Variants in DDR1 observed in about 807,000 individuals in gnomAD.
DDR1 encodes the protein discoidin domain receptor tyrosine kinase 1.
A neutral mutation model predicts 97.4 loss-of-function variants in DDR1; 64 were observed. The ratio of observed to expected loss-of-function variants is 0.66; its 90% CI spans 0.54 to 0.81. The LOEUF (loss-of-function observed/expected upper bound fraction) is 0.81, where lower values mean the gene tolerates loss of function less well. Among genes scored for constraint, DDR1 ranks in the 30% least tolerant of loss-of-function variants. The pLI is 0.00. For missense variants in DDR1, 990 were observed against 1,259.6 expected, an observed-to-expected ratio of 0.79 and a Z score of 3.24; for synonymous variants, 458 against 503.7, an observed-to-expected ratio of 0.91 and a Z score of 1.21.
In DDR1 at chr6:30,889,735, C is replaced by T. The variant is rs563362086; in HGVS notation, c.417+305C>T. On this transcript the variant is annotated intron_variant, in intron 4 of 17. Coordinates refer to ENST00000376568, the MANE Select transcript of DDR1 (RefSeq NM_001297654.2). This position sits in a 1 kb window ranked among gnomAD's most constrained non-coding sequence, Gnocchi z 4.9. ...CTGGGATTACAAGCACTGTAGCCAG[C>T]CACCTAGATGTCTAATAGGCATCTC... Among the ~76,000 whole-genome samples, 4 of 152,176 alleles carry T rather than the reference C, an allele frequency of 2.6e-5. No individual in the cohort carries two copies. The highest frequency in any genetic ancestry group is 9.6e-5 in the African/African-American group (4 of 41,510).
rs1000742491 is a variant in DDR1, at chr6:30,896,653, C to T, written c.1657C>T (p.Pro553Ser). ...TGGGGACTATATGGAGCCTGAGAAG[C>T]CAGGCGCCCCGCTTCTGCCCCCACC... ...YSGDYMEPEK[P>S]GAPLLPPPPQ... Residue 553 changes from proline (P) to serine (S), a missense_variant, in exon 13 of 18, where the codon CCA becomes TCA. Transcript: ENST00000376568. 3.1e-6 allele frequency: 5 copies of T among 1,613,352 alleles called. No homozygotes were observed. The African/African-American group carries it at 6.7e-5, about 22-fold the overall frequency.
chr6:30,885,869 G>A, intron 1 of DDR1: 1 of 1,271,716 alleles, frequency 7.9e-7, no homozygotes, highest in East Asian at 5.6e-5. Context: ...TGTTGTCTGA[G>A]TGGGACTTGG....
At position 30,893,090 on chromosome 6, in the gene DDR1, G is replaced by T. The variant is rs145370628; in HGVS notation, c.1122G>T (p.Pro374=). Residue 374 remains proline (P), a synonymous_variant, in exon 9 of 18, where the codon CCG becomes CCT. Transcript: ENST00000376568. The part of the protein sequence containing the change: ...FISDVVNNSS[P]ALGGTFPPAP... ...CAGATGTGGTGAACAATTCCTCTCC[G>T]GCACTGGGAGGCACCTTCCCGCCAG... 2 of 1,612,236 alleles carry T rather than the reference G, an allele frequency of 1.2e-6. No homozygotes were observed. The highest frequency in any genetic ancestry group is 2.2e-5 in the South Asian group (2 of 90,986).
rs943211416 is a variant in DDR1 at position 30,889,904 on chromosome 6, C to CT, written c.417+481dup. 1.3e-5 allele frequency among the ~76,000 whole-genome samples: 2 copies of CT among 152,100 alleles called. No individual in the cohort carries two copies. Among genetic ancestry groups the CT allele is most frequent in the African/African-American group, 4.8e-5 (2 of 41,394 alleles). On this transcript the variant is annotated intron_variant, in intron 4 of 17. Coordinates refer to ENST00000376568, the MANE Select transcript of DDR1 (RefSeq NM_001297654.2). The surrounding 1 kb of genome is among the most constrained non-coding windows in gnomAD (Gnocchi z 4.9). ...TAAGTTAAGATGATATCCTTGATTC[C>CT]TTTTTTTCTCTCACCTCCTTCCAAA...
Position 30,885,250 on chromosome 6 carries a change from G to T in DDR1, c.-43+540G>T, listed in dbSNP as rs1431750817. On this transcript the variant is annotated intron_variant, in intron 1 of 17. Transcript: ENST00000376568. ...ACTGCCGGTGAGCGCCAGCTTCAGG[G>T]TCCCACCCCCCCATGCCTGGCTCTT... 2.6e-6 allele frequency: 4 copies of T among 1,532,522 alleles called. No individual in the cohort carries two copies. The East Asian group carries it at 9.8e-5, about 38-fold the overall frequency. The allele number at this position is 1,532,522 out of a possible 1,614,324, so 94.9% of individuals were successfully genotyped here. A position where few individuals can be genotyped will look rare whatever the true frequency, so the allele number is the denominator to read the frequency against.
At position 30,892,442 on chromosome 6, in the gene DDR1, T is replaced by C; in HGVS notation, c.999T>C (p.Ala333=). ...ACCTGGGGGACCCCAGAGCCCGGGC[T>C]GTCTCAGTGCCCCTTGGCGGCCGTG... ...GGNLGDPRAR[A]VSVPLGGRVA... The change falls in exon 8 of 18, where the codon GCT becomes GCC. Residue 333 remains alanine (A), a synonymous_variant. Transcript: ENST00000376568. 3 of 1,608,406 alleles carry C rather than the reference T, an allele frequency of 1.9e-6. No individual in the cohort carries two copies. Among genetic ancestry groups the C allele is most frequent in the Non-Finnish European group, 2.5e-6 (3 of 1,179,526 alleles).
rs1788269539 is a variant in DDR1, at chr6:30,891,547, G to GTGTTTGTGTGTGTT, written c.665+71_665+72insTTGTGTGTGTTTGT. On this transcript the variant is annotated intron_variant, in intron 6 of 17. Coordinates refer to ENST00000376568, the MANE Select transcript of DDR1 (RefSeq NM_001297654.2). This position sits in a 1 kb window ranked among gnomAD's most constrained non-coding sequence, Gnocchi z 5.3. ...GAGGACTGTGTGTGTGTGTGTGTGT[G>GTGTTTGTGTGTGTT]TGTGTGTGTGAGAGTGTGTGTGTGT... 10 of 960,968 alleles carry GTGTTTGTGTGTGTT rather than the reference G, an allele frequency of 1.0e-5. No individual in the cohort carries two copies. The highest frequency in any genetic ancestry group is 1.4e-5 in the Non-Finnish European group (9 of 625,930). 59.5% of individuals were successfully genotyped at this position (960,968 alleles called of 1,614,324 possible). A position where few individuals can be genotyped will look rare whatever the true frequency, so the allele number is the denominator to read the frequency against.
intron 1 of DDR1, chr6:30,885,869 G>C: frequency 7.9e-7 from 1 of 1,271,716 alleles, no homozygotes; most frequent in South Asian, 1.2e-5. Context: ...TGTTGTCTGA[G>C]TGGGACTTGG....
intron 1 of DDR1, chr6:30,885,953 T>G: frequency 1.8e-6 from 1 of 544,870 alleles, no homozygotes; most frequent in South Asian, 1.6e-5. Context: ...TGTAATGGAG[T>G]GGAAGGGGGT....
At position 30,888,376 on chromosome 6, in the gene DDR1, A is replaced by G; in HGVS notation, c.-42-312A>G. 1 of 336,970 alleles carries G rather than the reference A, an allele frequency of 3.0e-6. No homozygotes were observed. The highest frequency in any genetic ancestry group is 5.1e-5 in the East Asian group (1 of 19,576). The allele number at this position is 336,970 out of a possible 1,614,324, so 20.9% of individuals were successfully genotyped here. On this transcript the variant is annotated intron_variant, in intron 1 of 17. Coordinates refer to ENST00000376568, the MANE Select transcript of DDR1 (RefSeq NM_001297654.2). This position sits in a 1 kb window ranked among gnomAD's most constrained non-coding sequence, Gnocchi z 4.2. ...TATGGGGATATTTTGCCCATTCCTG[A>G]TTGGAGAAATGGGGCTTTAGGAAGT...
rs776276689 is a variant in DDR1 at position 30,897,032 on chromosome 6, G to T, written c.1888G>T (p.Asp630Tyr). The T allele has an allele frequency of 6.2e-7, 1 of 1,613,054 alleles. No individual in the cohort carries two copies. The highest frequency in any genetic ancestry group is 1.1e-5 in the South Asian group (1 of 91,006). Residue 630 changes from aspartate to tyrosine, a missense_variant, in exon 14 of 18, where the codon GAC (aspartate) becomes TAC (tyrosine). Coordinates refer to ENST00000376568, the MANE Select transcript of DDR1 (RefSeq NM_001297654.2). The surrounding 1 kb of genome is among the most constrained non-coding windows in gnomAD (Gnocchi z 5.2). ...QFGEVHLCEV[D>Y]SPQDLVSLDF... ...TCTCCAGGTGCACCTGTGTGAGGTC[G>T]ACAGCCCTCAAGATCTGGTTAGTCT...
rs1424864777 is a variant in DDR1, at chr6:30,891,657, A to G, written c.665+178A>G. Among the ~76,000 whole-genome samples, 2 of 152,066 alleles carry G rather than the reference A, an allele frequency of 1.3e-5. No homozygotes were observed. Among genetic ancestry groups the G allele is most frequent in the African/African-American group, 4.8e-5 (2 of 41,376 alleles). Reference sequence around the variant, plus strand: ...AGGTGGGGCCTCAAAGGGTAGCACTAGGGTGACCACTAGCCCGTATGACAC... The same window carrying G: ...AGGTGGGGCCTCAAAGGGTAGCACTGGGGTGACCACTAGCCCGTATGACAC... On this transcript the variant is annotated intron_variant, in intron 6 of 17. Coordinates refer to ENST00000376568, the MANE Select transcript of DDR1 (RefSeq NM_001297654.2). This position sits in a 1 kb window ranked among gnomAD's most constrained non-coding sequence, Gnocchi z 5.3.
rs2150356072 is a variant in DDR1, at chr6:30,892,388, G to A, written c.945G>A (p.Gly315=). The change falls in exon 8 of 18, where the codon GGG becomes GGA. Residue 315 remains glycine (G), a synonymous_variant. Coordinates refer to ENST00000376568, the MANE Select transcript of DDR1 (RefSeq NM_001297654.2). ...GTGGCCCTGCCATGGCCTGGGAGGG[G>A]GAGCCCATGCGCCACAACCTAGGGG... ...FRRGPAMAWE[G]EPMRHNLGGN... 6.3e-7 allele frequency: 1 copy of A among 1,595,320 alleles called. No individual in the cohort carries two copies. The highest frequency in any genetic ancestry group is 8.5e-7 in the Non-Finnish European group (1 of 1,173,706).
Position 30,891,375 on chromosome 6 carries a change from C to G in DDR1, c.566-5C>G. Reference sequence around the variant, plus strand: ...TCTGACCCCCATCCTCTCACCCTGCCCCAGATGGACTCCTGTCTTACACCG... The same window carrying G: ...TCTGACCCCCATCCTCTCACCCTGCGCCAGATGGACTCCTGTCTTACACCG... On this transcript the variant is annotated splice_polypyrimidine_tract_variant and splice_region_variant and intron_variant, in intron 5 of 17. Transcript: ENST00000376568. The surrounding 1 kb of genome is among the most constrained non-coding windows in gnomAD (Gnocchi z 5.3). 1 of 1,610,664 alleles carries G rather than the reference C, an allele frequency of 6.2e-7. No individual in the cohort carries two copies. Among genetic ancestry groups the G allele is most frequent in the Non-Finnish European group, 8.5e-7 (1 of 1,178,210 alleles).
chr6:30,891,405 T>C lies in DDR1; in HGVS notation c.591T>C (p.Pro197=). The C allele has an allele frequency of 6.2e-7, 1 of 1,612,686 alleles. No homozygotes were observed. Among genetic ancestry groups the C allele is most frequent in the Non-Finnish European group, 8.5e-7 (1 of 1,179,770 alleles). ...WRDGLLSYTA[P]VGQTMYLSEA... ...ATGGACTCCTGTCTTACACCGCCCC[T>C]GTGGGGCAGACAATGTATTTATCTG... The change falls in exon 6 of 18, where the codon CCT becomes CCC. Residue 197 remains proline (P), a synonymous_variant. Coordinates refer to ENST00000376568, the MANE Select transcript of DDR1 (RefSeq NM_001297654.2). This position sits in a 1 kb window ranked among gnomAD's most constrained non-coding sequence, Gnocchi z 5.3.
chr6:30,894,602 C>A lies in DDR1; in HGVS notation c.1444C>A (p.Pro482Thr). 6.2e-7 allele frequency: 1 copy of A among 1,613,412 alleles called. No homozygotes were observed. The highest frequency in any genetic ancestry group is 8.5e-7 in the Non-Finnish European group (1 of 1,179,680). ...CAACCGCCCAGGTCCTAGAGAGCCA[C>A]CCCCGTACCAGGAGCCCCGGCCTCG... is the stretch of plus-strand genomic sequence containing the variant. ...INNRPGPREP[P>T]PYQEPRPRGN... The change falls in exon 11 of 18, where the codon CCC becomes ACC. Residue 482 changes from proline to threonine, a missense_variant. Coordinates refer to ENST00000376568, the MANE Select transcript of DDR1 (RefSeq NM_001297654.2). The surrounding 1 kb of genome is among the most constrained non-coding windows in gnomAD (Gnocchi z 5.7).
chr6:30,893,090 G>C lies in DDR1; in HGVS notation c.1122G>C (p.Pro374=), dbSNP rs145370628. 4.3e-6 allele frequency: 7 copies of C among 1,612,236 alleles called. No individual in the cohort carries two copies. The highest frequency in any genetic ancestry group is 5.9e-6 in the Non-Finnish European group (7 of 1,179,864). The change falls in exon 9 of 18, where the codon CCG becomes CCC. Residue 374 remains proline (P), a synonymous_variant. Transcript: ENST00000376568. The part of the protein sequence containing the change: ...FISDVVNNSS[P]ALGGTFPPAP... ...CAGATGTGGTGAACAATTCCTCTCC[G>C]GCACTGGGAGGCACCTTCCCGCCAG... is the stretch of plus-strand genomic sequence containing the variant.
Position 30,897,633 on chromosome 6 carries a change from TC to T in DDR1, c.2216+41del. On this transcript the variant is annotated intron_variant, in intron 15 of 17. Transcript: ENST00000376568. The surrounding 1 kb of genome is among the most constrained non-coding windows in gnomAD (Gnocchi z 5.2). ...ACCCAGGCTGGGCCTTGCTCAGAAT[TC>T]CCCCAGGGGATCTCCTCCTCTCCCC... is the stretch of plus-strand genomic sequence containing the variant. 6.5e-7 allele frequency: 1 copy of T among 1,542,790 alleles called. No homozygotes were observed.
rs1381110201 is a variant in DDR1, at chr6:30,899,593, AG to A, written c.*300del. The A allele has an allele frequency of 1.2e-5, 6 of 498,598 alleles. No homozygotes were observed. The highest frequency in any genetic ancestry group is 2.1e-5 in the Non-Finnish European group (6 of 280,498). The allele number at this position is 498,598 out of a possible 1,614,324, so 30.9% of individuals were successfully genotyped here. On this transcript the variant is annotated 3_prime_UTR_variant, in exon 18 of 18. Coordinates refer to ENST00000376568, the MANE Select transcript of DDR1 (RefSeq NM_001297654.2). ...CCCTCCTCTAGCCATCCCTTGGGGA[AG>A]GGTGGGGAGAAATATAGGATAGACA... is the stretch of plus-strand genomic sequence containing the variant.
Sources: gnomAD v4.1 joint callset for allele counts (sites outside exome capture counted in the v4.1 genomes callset) on GRCh38, gnomAD v4.1.1 for gene constraint, Gnocchi (gnomAD v3.1) non-coding constraint, MANE v1.5 for transcripts, NCBI Gene and HGNC (gene_info 2026-07-23, HGNC 2026-07-21) for gene names.